GLIS3: variants seen among roughly 807,000 people sequenced by gnomAD.
The protein encoded by GLIS3 is GLIS family zinc finger 3, also known as zinc finger protein GLIS3.
In GLIS3, 53 loss-of-function variants were observed where a neutral mutation model predicts 78.6. That is an observed-to-expected ratio of 0.67 (90% CI 0.54 to 0.85). The LOEUF is 0.85. GLIS3 is among the 40% of genes least tolerant of loss of function. The pLI is 0.00. For synonymous variants in GLIS3, 684 were observed against 509.9 expected (o/e 1.34, Z -4.60); for missense variants, 1,703 against 1,231.1 (o/e 1.38, Z -5.74).
At chr9:4,104,537 G>A (rs1248368574) in intron 4 of GLIS3, among the ~76,000 whole-genome samples, 1 of 152,130 alleles carries the variant, frequency 6.6e-6, no homozygotes, top group African/African-American at 2.4e-5. Flanking sequence ...ATAGCATTTA[G>A]GGATTCTATT....
intron 4 of GLIS3, among the ~76,000 whole-genome samples, chr9:4,044,275 C>T (rs1271788251): frequency 6.6e-6 from 1 of 152,170 alleles, no homozygotes; most frequent in Admixed American, 6.5e-5. Flanking sequence ...GTGCCAAGTT[C>T]GACTAAATAG....
At chr9:3,838,544 G>A (rs970825344) in intron 9 of GLIS3, among the ~76,000 whole-genome samples, 1 of 152,154 alleles carries the variant, frequency 6.6e-6, no homozygotes, top group Non-Finnish European at 1.5e-5. Flanking sequence ...AAAGACAACA[G>A]CAAGTATAAG....
At chr9:3,835,967 T>A (rs764831801) in intron 9 of GLIS3, among the ~76,000 whole-genome samples, 1 of 152,194 alleles carries the variant, frequency 6.6e-6, no homozygotes, top group Non-Finnish European at 1.5e-5. Flanking sequence ...AATTTCATAC[T>A]ACATATGACA....
chr9:4,301,760 G>T (rs1817083442), upstream of GLIS3, among the ~76,000 whole-genome samples: 2 of 152,292 alleles, frequency 1.3e-5, no homozygotes, highest in South Asian at 2.1e-4. Flanking sequence ...GATGGGAACA[G>T]CTTAGCTGGA....
intron 2 of GLIS3, among the ~76,000 whole-genome samples, chr9:4,253,110 G>A (rs567607541): frequency 1.3e-5 from 2 of 152,360 alleles, no homozygotes; most frequent in Admixed American, 1.3e-4. Flanking sequence ...ACTGGAGGAG[G>A]CAGTCTGTCC....
chr9:4,144,311 C>G (rs1834041450), intron 2 of GLIS3, among the ~76,000 whole-genome samples: 1 of 152,172 alleles, frequency 6.6e-6, no homozygotes, highest in Admixed American at 6.5e-5. Flanking sequence ...AACAATTTTA[C>G]CTCAGAAACT....
Position 4,007,904 on chromosome 9 carries a change from G to C in GLIS3, c.1711-70715C>G, listed in dbSNP as rs377042817. 4.3e-3 allele frequency among the ~76,000 whole-genome samples: 644 copies of C among 149,130 alleles called. 5 individuals are homozygous for C. Among genetic ancestry groups the C allele is most frequent in the African/African-American group, 0.015 (603 of 40,626 alleles). ...GCGGGGGTGGGTGGGCGTTGGGGGG[G>C]GGGGGTTACTCCAGTCTCTTATCAC... On this transcript the variant is annotated intron_variant, in intron 4 of 10. Coordinates refer to ENST00000381971, the MANE Select transcript of GLIS3 (RefSeq NM_001042413.2).
intron 9 of GLIS3, among the ~76,000 whole-genome samples, chr9:3,833,656 T>TTGATAACACAGCTGGAG (rs1818179667): frequency 1.3e-5 from 2 of 152,334 alleles, no homozygotes; most frequent in Middle Eastern, 3.4e-3. Flanking sequence ...TCTTTGAGGA[T>TTGATAACACAGCTGGAG]TGATAACACA....
At chr9:4,313,310 C>G (rs1817392460) in intron 2 of GLIS3, among the ~76,000 whole-genome samples, 1 of 152,168 alleles carries the variant, frequency 6.6e-6, no homozygotes, top group Non-Finnish European at 1.5e-5. Context: ...GAGCAGCTGT[C>G]TTCTTTCTCA....
intron 9 of GLIS3, among the ~76,000 whole-genome samples, chr9:3,834,073 A>G (rs1447881308): frequency 1.3e-5 from 2 of 152,204 alleles, no homozygotes; most frequent in Non-Finnish European, 2.9e-5. Context: ...CGTTTTATAC[A>G]TTTATCTTCT....
chr9:4,366,241 A>C, the GLIS3 span, among the ~76,000 whole-genome samples: 1 of 152,244 alleles, frequency 6.6e-6, no homozygotes, highest in South Asian at 2.1e-4. Flanking sequence ...CTGAACATTT[A>C]ATTAGATTTT....
At chr9:3,993,502 C>T (rs1820499039) in intron 4 of GLIS3, among the ~76,000 whole-genome samples, 1 of 152,110 alleles carries the variant, frequency 6.6e-6, no homozygotes, top group South Asian at 2.1e-4. Context: ...ATGTACATTT[C>T]ATGTATATGT....
chr9:4,064,229 A>G (rs940420337), intron 4 of GLIS3, among the ~76,000 whole-genome samples: 1 of 152,232 alleles, frequency 6.6e-6, no homozygotes, highest in African/African-American at 2.4e-5. Context: ...TATACAGTAC[A>G]TAAAAATAAA....
chr9:4,114,575 C>CA (rs1439791411), intron 4 of GLIS3, among the ~76,000 whole-genome samples: 1 of 152,060 alleles, frequency 6.6e-6, no homozygotes, highest in African/African-American at 2.4e-5. Context: ...CTCAGAAGGT[C>CA]AAAATAAAGA....
At chr9:4,134,049 C>T (rs1833203627) in intron 2 of GLIS3, among the ~76,000 whole-genome samples, 2 of 152,260 alleles carry the variant, frequency 1.3e-5, no homozygotes, top group African/African-American at 4.8e-5. Flanking sequence ...ACTAATACAA[C>T]AGAAAATAAG....
the GLIS3 span, among the ~76,000 whole-genome samples, chr9:4,369,657 A>AT: frequency 6.6e-6 from 1 of 152,182 alleles, no homozygotes; most frequent in Admixed American, 6.5e-5. Flanking sequence ...TCACATGCAC[A>AT]TGGAGGATTA....
chr9:4,270,544 A>C (rs1167082077), intron 2 of GLIS3, among the ~76,000 whole-genome samples: 1 of 152,200 alleles, frequency 6.6e-6, no homozygotes, highest in Non-Finnish European at 1.5e-5. Context: ...AGTTTCTCAA[A>C]GGTGGGTTGG....
At chr9:4,367,533 A>T in the GLIS3 span, among the ~76,000 whole-genome samples, 3 of 151,244 alleles carry the variant, frequency 2.0e-5, no homozygotes, top group South Asian at 6.3e-4. Flanking sequence ...TTCCCCTTTT[A>T]AAAATGTTCT....
the GLIS3 span, among the ~76,000 whole-genome samples, chr9:4,356,982 C>T: frequency 2.2e-4 from 33 of 152,192 alleles, no homozygotes; most frequent in African/African-American, 8.0e-4. Context: ...CGAAATCTTA[C>T]TGTTTCCAAA....
Sources: gnomAD v4.1 joint callset for allele counts (sites outside exome capture counted in the v4.1 genomes callset) on GRCh38, gnomAD v4.1.1 for gene constraint, MANE v1.5 for transcripts, NCBI Gene and HGNC (gene_info 2026-07-23, HGNC 2026-07-21) for gene names.